Variants in TSPAN7 observed in about 807,000 individuals in gnomAD.
TSPAN7 encodes the protein tetraspanin 7.
A neutral mutation model predicts 17.6 loss-of-function variants in TSPAN7; 1 was observed. The ratio of observed to expected loss-of-function variants is 0.06; its 90% confidence interval spans 0.02 to 0.27. The LOEUF is 0.27. Ranked by LOEUF, TSPAN7 falls within the 10% of genes least tolerant of loss-of-function variation. The probability of loss-of-function intolerance (pLI) is 1.00; values close to 1 mark genes in which losing one functional copy is unlikely to be tolerated. For missense variants in TSPAN7, 112 were observed against 201.7 expected (o/e 0.56, Z 2.69); for synonymous variants, 78 against 79.0 (o/e 0.99, Z 0.07).
At chrX:38,611,852 TAGC>T (rs1267500931) in intron 1 of TSPAN7, among the ~76,000 whole-genome samples, 1 of 111,577 alleles carries the variant, frequency 9.0e-6, no homozygotes, top group Non-Finnish European at 1.9e-5. Context: ...AATGGGAAAA[TAGC>T]AGCTCCTTAA....
chrX:38,641,739 T>A (rs770432969), intron 1 of TSPAN7, among the ~76,000 whole-genome samples: 2 of 112,053 alleles, frequency 1.8e-5, no homozygotes, highest in Non-Finnish European at 3.8e-5. Flanking sequence ...ATCTTCATTT[T>A]GCAGATTGGA....
At chrX:38,598,544 C>T (rs973257179) in intron 1 of TSPAN7, among the ~76,000 whole-genome samples, 1 of 111,040 alleles carries the variant, frequency 9.0e-6, no homozygotes, top group Non-Finnish European at 1.9e-5. Flanking sequence ...ATTATTTCCC[C>T]CCTCCATTAG....
chrX:38,577,511 G>A (rs934359495), intron 1 of TSPAN7, among the ~76,000 whole-genome samples: 1 of 108,809 alleles, frequency 9.2e-6, no homozygotes, highest in African/African-American at 3.4e-5. Context: ...CATGTCCTTT[G>A]TAGGGACATG....
chrX:38,665,193 G>A (rs1011353137), intron 1 of TSPAN7, among the ~76,000 whole-genome samples: 2 of 111,914 alleles, frequency 1.8e-5, no homozygotes, highest in Admixed American at 9.4e-5. Flanking sequence ...CTCTAGGGTG[G>A]GGCCAAACTG....
At chrX:38,644,910 C>T (rs1040027654) in intron 1 of TSPAN7, among the ~76,000 whole-genome samples, 6 of 112,127 alleles carry the variant, frequency 5.4e-5, no homozygotes, top group Non-Finnish European at 9.4e-5. Context: ...ACACAGGTCA[C>T]TTGCCAAAGG....
At chrX:38,597,498 G>A (rs2069324335) in intron 1 of TSPAN7, among the ~76,000 whole-genome samples, 1 of 111,117 alleles carries the variant, frequency 9.0e-6, no homozygotes. Context: ...CTTCCTTTGG[G>A]TATGAGTTAG....
intron 1 of TSPAN7, among the ~76,000 whole-genome samples, chrX:38,591,555 C>A (rs780409235): frequency 2.9e-4 from 32 of 111,805 alleles, no homozygotes; most frequent in Non-Finnish European, 5.3e-4. Context: ...CCTTTCATAT[C>A]CTTAACTAAT....
chrX:38,671,527 A>G, intron 3 of TSPAN7, 77 bp downstream of exon 3: 1 of 961,741 alleles, frequency 1.0e-6, no homozygotes, highest in Non-Finnish European at 1.5e-6. Context: ...GAAATGTGTA[A>G]AGGGTGCATA....
intron 1 of TSPAN7, chrX:38,646,276 A>G (rs2069645527): frequency 8.7e-7 from 1 of 1,153,276 alleles, no homozygotes; most frequent in Non-Finnish European, 1.1e-6. Flanking sequence ...AAAAGGCTGC[A>G]GGATTTTGTG....
At chrX:38,593,399 G>T (rs2069303028) in intron 1 of TSPAN7, among the ~76,000 whole-genome samples, 1 of 111,185 alleles carries the variant, frequency 9.0e-6, no homozygotes, top group Non-Finnish European at 1.9e-5. Context: ...CTGGGTGCTA[G>T]GTATGTTTGT....
intron 1 of TSPAN7, among the ~76,000 whole-genome samples, chrX:38,606,236 C>A (rs1442478779): frequency 9.0e-6 from 1 of 110,939 alleles, no homozygotes; most frequent in Non-Finnish European, 1.9e-5. Context: ...ACAACCCCAT[C>A]AAAAAGTGGG....
At chrX:38,563,676 A>C (rs890597804) in intron 1 of TSPAN7, among the ~76,000 whole-genome samples, 1 of 111,460 alleles carries the variant, frequency 9.0e-6, no homozygotes, top group Non-Finnish European at 1.9e-5. Flanking sequence ...CATCTTAAAC[A>C]ATCACTGCAT....
intron 1 of TSPAN7, among the ~76,000 whole-genome samples, chrX:38,611,253 C>T (rs2069416668): frequency 8.9e-6 from 1 of 112,220 alleles, no homozygotes; most frequent in African/African-American, 3.2e-5. Context: ...GTGGTATGCG[C>T]ATAGCATACA....
chrX:38,581,929 A>G (rs893009104), intron 1 of TSPAN7, among the ~76,000 whole-genome samples: 1 of 112,701 alleles, frequency 8.9e-6, no homozygotes, highest in African/African-American at 3.2e-5. Flanking sequence ...GCTGAAAGCA[A>G]TGGGAATCTT....
chrX:38,601,827 T>C (rs921492388), intron 1 of TSPAN7, among the ~76,000 whole-genome samples: 1 of 111,854 alleles, frequency 8.9e-6, no homozygotes, highest in Admixed American at 9.5e-5. Flanking sequence ...CATCTAGCCC[T>C]CCTCATGCAT....
At chrX:38,663,143 TGTG>T (rs1206751974) in intron 1 of TSPAN7, among the ~76,000 whole-genome samples, 3 of 80,872 alleles carry the variant, frequency 3.7e-5, no homozygotes, top group African/African-American at 5.0e-5. Flanking sequence ...ATAAAGAAAA[TGTG>T]GTGTATACAC....
intron 1 of TSPAN7, among the ~76,000 whole-genome samples, chrX:38,603,515 C>T (rs765502525): frequency 1.3e-4 from 15 of 111,903 alleles, no homozygotes; most frequent in Non-Finnish European, 2.4e-4. Context: ...ACCCAAATGT[C>T]CATCAACTGA....
At chrX:38,652,727 A>G (rs1483652493) in intron 1 of TSPAN7, among the ~76,000 whole-genome samples, 2 of 112,537 alleles carry the variant, frequency 1.8e-5, no homozygotes, top group Non-Finnish European at 3.8e-5. Context: ...AGAAGGGAAA[A>G]GGCCAGTGCC....
intron 2 of TSPAN7, among the ~76,000 whole-genome samples, chrX:38,669,244 A>G (rs2069804685): frequency 8.9e-6 from 1 of 111,966 alleles, no homozygotes; most frequent in Admixed American, 9.5e-5. Flanking sequence ...TAAAAACAAT[A>G]AAATTTTTAA....
Sources: allele counts gnomAD v4.1 joint callset (sites outside exome capture counted in the v4.1 genomes callset), GRCh38; gene constraint gnomAD v4.1.1; transcripts MANE v1.5; gene names NCBI Gene and HGNC (gene_info 2026-07-23, HGNC 2026-07-21).